Variants in LRRC4C observed in about 807,000 individuals in gnomAD.
LRRC4C encodes the protein leucine rich repeat containing 4C.
A neutral mutation model predicts 33.6 loss-of-function variants in LRRC4C; 5 were observed. The observed-to-expected ratio is 0.15, with a 90% CI of 0.08 to 0.31. The LOEUF (loss-of-function observed/expected upper bound fraction) is 0.31, where lower values mean the gene tolerates loss of function less well. Among genes scored for constraint, LRRC4C ranks in the 10% least tolerant of loss-of-function variants. The pLI, the probability that LRRC4C is intolerant of heterozygous loss-of-function variation, is 1.00. For synonymous variants in LRRC4C, 329 were observed against 302.0 expected (o/e 1.09, Z -0.93); for missense variants, 560 against 796.7 (o/e 0.70, Z 3.58).
At chr11:40,718,896 T>G (rs1346773042) in intron 2 of LRRC4C, among the ~76,000 whole-genome samples, 1 of 152,148 alleles carries the variant, frequency 6.6e-6, no homozygotes, top group African/African-American at 2.4e-5. Flanking sequence ...TTATTTTCTT[T>G]TCCTTCCTCT....
chr11:40,877,045 C>T (rs1954930193), intron 2 of LRRC4C, among the ~76,000 whole-genome samples: 1 of 152,044 alleles, frequency 6.6e-6, no homozygotes, highest in African/African-American at 2.4e-5. Context: ...CCTCACAGAG[C>T]TGTGCAAACA....
intron 2 of LRRC4C, among the ~76,000 whole-genome samples, chr11:40,668,350 A>G (rs1007747954): frequency 2.0e-5 from 3 of 152,232 alleles, no homozygotes; most frequent in African/African-American, 7.2e-5. Flanking sequence ...TGGCAAATCA[A>G]TGTGTCCTCA....
chr11:40,729,383 A>G (rs4315060), intron 2 of LRRC4C, among the ~76,000 whole-genome samples: 67,995 of 151,956 alleles, frequency 0.45, 16,170 homozygotes, highest in African/African-American at 0.58. Context: ...GGTAACTCCC[A>G]TGATATACTT....
At chr11:40,531,541 TCAA>T (rs1349788837) in intron 3 of LRRC4C, among the ~76,000 whole-genome samples, 1 of 152,086 alleles carries the variant, frequency 6.6e-6, no homozygotes, top group Non-Finnish European at 1.5e-5. Flanking sequence ...ACAGAAAATC[TCAA>T]CAATTATTTA....
At chr11:40,685,865 C>T (rs1944926949) in intron 2 of LRRC4C, among the ~76,000 whole-genome samples, 1 of 151,776 alleles carries the variant, frequency 6.6e-6, no homozygotes, top group Non-Finnish European at 1.5e-5. Context: ...TTGTCTTCAA[C>T]CTTGTCCTAG....
intron 1 of LRRC4C, among the ~76,000 whole-genome samples, chr11:41,401,184 C>G (rs542384864): frequency 2.5e-4 from 38 of 151,964 alleles, no homozygotes; most frequent in Non-Finnish European, 4.3e-4. Flanking sequence ...GTACTATTTA[C>G]TAAAGTAACT....
intron 3 of LRRC4C, among the ~76,000 whole-genome samples, chr11:40,397,164 C>T (rs1051983974): frequency 2.0e-5 from 3 of 152,076 alleles, no homozygotes; most frequent in Admixed American, 6.6e-5. Context: ...GGTGTGAAAT[C>T]ATCCCCTACC....
At chr11:41,304,962 GT>G (rs1950440582) in intron 1 of LRRC4C, among the ~76,000 whole-genome samples, 1 of 120,714 alleles carries the variant, frequency 8.3e-6, no homozygotes, top group Non-Finnish European at 1.8e-5. Context: ...CGTCCGGGAG[GT>G]GAGGGGCGCC....
At chr11:40,495,362 AC>A (rs532885251) in intron 3 of LRRC4C, among the ~76,000 whole-genome samples, 1 of 152,252 alleles carries the variant, frequency 6.6e-6, no homozygotes, top group East Asian at 1.9e-4. Flanking sequence ...CTGCAGCGCC[AC>A]ATATTTGGAA....
At chr11:40,839,581 A>C (rs940980246) in intron 2 of LRRC4C, among the ~76,000 whole-genome samples, 17 of 152,182 alleles carry the variant, frequency 1.1e-4, no homozygotes, top group Non-Finnish European at 4.4e-5. Context: ...CCTAGAGTTA[A>C]GACATGACAT....
chr11:41,324,260 G>A lies in LRRC4C; in HGVS notation c.-496+135171C>T, dbSNP rs543096718. Among the ~76,000 whole-genome samples the A allele has an allele frequency of 1.1e-4, 17 of 152,200 alleles. No homozygotes were observed. In the South Asian group the frequency reaches 3.5e-3, roughly 32 times the overall value. ...AGCCTGACCAACATGGAGAAACCCA[G>A]TCTCTACTAAAAATACAAAATCAGC... On this transcript the variant is annotated intron_variant, in intron 1 of 6. Coordinates refer to ENST00000528697, the MANE Select transcript of LRRC4C (RefSeq NM_001258419.2).
chr11:40,466,396 C>A (rs905238116), intron 3 of LRRC4C, among the ~76,000 whole-genome samples: 1 of 151,736 alleles, frequency 6.6e-6, no homozygotes, highest in African/African-American at 2.4e-5. Flanking sequence ...ATACTTCCCT[C>A]GTAACCCCTA....
At chr11:40,882,640 A>G (rs777624520) in intron 2 of LRRC4C, among the ~76,000 whole-genome samples, 1 of 151,980 alleles carries the variant, frequency 6.6e-6, no homozygotes, top group Non-Finnish European at 1.5e-5. Context: ...CATCTTTCCA[A>G]TGAAGTACAT....
chr11:40,857,930 G>A (rs1342401047), intron 2 of LRRC4C, among the ~76,000 whole-genome samples: 5 of 132,356 alleles, frequency 3.8e-5, no homozygotes, highest in African/African-American at 1.3e-4. Context: ...AGAAAGAAAA[G>A]GAGAAAGGAA....
chr11:41,317,656 AAG>A (rs879499714), intron 1 of LRRC4C, among the ~76,000 whole-genome samples: 6 of 152,062 alleles, frequency 3.9e-5, no homozygotes, highest in Non-Finnish European at 7.4e-5. Flanking sequence ...CAGTAATACT[AAG>A]GACCCGTCAT....
chr11:40,888,692 T>C (rs1955569817), intron 2 of LRRC4C, among the ~76,000 whole-genome samples: 1 of 152,024 alleles, frequency 6.6e-6, no homozygotes, highest in Non-Finnish European at 1.5e-5. Flanking sequence ...GAAATTTCTC[T>C]TGATTAACCA....
chr11:40,591,219 C>G (rs574548022), intron 3 of LRRC4C, among the ~76,000 whole-genome samples: 42 of 152,110 alleles, frequency 2.8e-4, no homozygotes, highest in African/African-American at 1.0e-3. Flanking sequence ...GCGCAGTATT[C>G]GGGTGGGAGC....
At chr11:40,480,358 T>C (rs897693579) in intron 3 of LRRC4C, among the ~76,000 whole-genome samples, 2 of 150,834 alleles carry the variant, frequency 1.3e-5, no homozygotes, top group Admixed American at 1.3e-4. Flanking sequence ...TAAATAAAAA[T>C]AAAAATAAAA....
intron 3 of LRRC4C, among the ~76,000 whole-genome samples, chr11:40,366,709 G>C (rs1948223717): frequency 6.6e-6 from 1 of 152,024 alleles, no homozygotes; most frequent in East Asian, 1.9e-4. Context: ...TTTTGAGTAA[G>C]GCATTTTCAT....
Sources: allele counts gnomAD v4.1 joint callset (sites outside exome capture counted in the v4.1 genomes callset), GRCh38; gene constraint gnomAD v4.1.1; transcripts MANE v1.5; gene names NCBI Gene and HGNC (gene_info 2026-07-23, HGNC 2026-07-21).